The following ACOT12 variants were observed in gnomAD, a reference collection of about 807,000 sequenced individuals.
The protein encoded by ACOT12 is acetyl-coenzyme A thioesterase.
A neutral mutation model predicts 67.7 loss-of-function variants in ACOT12; 51 were observed. The ratio of observed to expected loss-of-function variants is 0.75; its 90% confidence interval spans 0.60 to 0.95. The LOEUF is 0.95. ACOT12 is among the 40% of genes least tolerant of loss of function. The pLI, the probability that ACOT12 is intolerant of heterozygous loss-of-function variation, is 0.00. For missense variants in ACOT12, 734 were observed against 708.1 expected, an observed-to-expected ratio of 1.04 and a Z score of -0.41; for synonymous variants, 251 against 244.6, an observed-to-expected ratio of 1.03 and a Z score of -0.24.
the ACOT12 span, chr5:81,308,689 G>C: frequency 6.2e-7 from 1 of 1,611,098 alleles, no homozygotes; most frequent in Non-Finnish European, 8.5e-7. Flanking sequence ...CCAAGTGTAA[G>C]GCTAAAGTAG....
At chr5:81,331,179 C>T (rs1311969150) in intron 13 of ACOT12, among the ~76,000 whole-genome samples, 1 of 152,182 alleles carries the variant, frequency 6.6e-6, no homozygotes, top group Non-Finnish European at 1.5e-5. Context: ...AAACTGGAGT[C>T]AACCACCAAA....
downstream of ACOT12, among the ~76,000 whole-genome samples, chr5:81,326,316 G>T (rs1758675697): frequency 6.6e-6 from 1 of 151,786 alleles, no homozygotes; most frequent in Non-Finnish European, 1.5e-5. Flanking sequence ...TACAGATGGG[G>T]TTTCTTCATG....
chr5:81,380,564 A>AG (rs1416493469), intron 2 of ACOT12, among the ~76,000 whole-genome samples: 1 of 123,388 alleles, frequency 8.1e-6, no homozygotes. Context: ...ACTGTCTTAG[A>AG]AAAAAAAAAA....
chr5:81,393,887 C>T (rs1356629818), intron 1 of ACOT12, 101 bp downstream of exon 1: 2 of 1,219,584 alleles, frequency 1.6e-6, no homozygotes, highest in Middle Eastern at 3.2e-4. Flanking sequence ...TTCAGCTCTC[C>T]GCAAGTACCT....
chr5:81,322,406 G>A, the ACOT12 span, among the ~76,000 whole-genome samples: 2 of 151,124 alleles, frequency 1.3e-5, no homozygotes, highest in African/African-American at 4.9e-5. Flanking sequence ...GCAGTGAGCC[G>A]AGATGGCACC....
At chr5:81,335,983 T>C (rs929341470) in intron 11 of ACOT12, 82 bp from the exon 12 acceptor site, 34 of 1,396,552 alleles carry the variant, frequency 2.4e-5, no homozygotes, top group Non-Finnish European at 3.1e-5. Flanking sequence ...TATGTAGTCA[T>C]AGACCAATTG....
intron 2 of ACOT12, among the ~76,000 whole-genome samples, chr5:81,383,999 T>C (rs937777456): frequency 2.6e-5 from 4 of 152,094 alleles, no homozygotes; most frequent in African/African-American, 9.7e-5. Flanking sequence ...TCTAAGGTAG[T>C]GTACAGTAAT....
the ACOT12 span, among the ~76,000 whole-genome samples, chr5:81,323,710 TA>T: frequency 1.3e-5 from 2 of 151,886 alleles, no homozygotes; most frequent in Non-Finnish European, 2.9e-5. Context: ...GCAAAATTGT[TA>T]ATGTGTTTTG....
chr5:81,359,985 A>C lies in ACOT12; in HGVS notation c.414T>G (p.Asn138Lys), dbSNP rs760539790. The change falls in exon 5 of 15, where the codon AAT becomes AAG. Residue 138 changes from asparagine (N) to lysine (K), a missense_variant. Coordinates refer to ENST00000307624, the MANE Select transcript of ACOT12 (RefSeq NM_130767.3). ...GAACTTTCCTTCTCTCAGCAGCCAG[A>C]TTATGTTCCACATGATCTTGTTCAG... Reference protein sequence around the residue: ...LLTEQDHVEHNLAAERRKVRL... With the variant: ...LLTEQDHVEHKLAAERRKVRL... 5.0e-6 allele frequency: 8 copies of C among 1,612,888 alleles called. No individual in the cohort carries two copies. In the East Asian group the frequency reaches 1.8e-4, roughly 36 times the overall value.
intron 13 of ACOT12, 46 bp downstream of exon 13, chr5:81,332,431 C>T (rs1210837654): frequency 6.3e-7 from 1 of 1,599,890 alleles, no homozygotes; most frequent in African/African-American, 1.3e-5. Context: ...AATTTCTATC[C>T]TATACTATGA....
At chr5:81,317,678 C>T in the ACOT12 span, among the ~76,000 whole-genome samples, 7 of 151,972 alleles carry the variant, frequency 4.6e-5, no homozygotes, top group African/African-American at 1.5e-4. Flanking sequence ...TACACACTTT[C>T]AAACAACCAG....
intron 3 of ACOT12, among the ~76,000 whole-genome samples, chr5:81,364,551 C>T (rs1027300322): frequency 4.6e-5 from 7 of 152,020 alleles, no homozygotes; most frequent in East Asian, 3.9e-4. Context: ...CCTCAGCCTC[C>T]GGAGTAGCTG....
chr5:81,392,612 A>G (rs532477225), intron 1 of ACOT12, among the ~76,000 whole-genome samples: 12 of 152,276 alleles, frequency 7.9e-5, no homozygotes, highest in African/African-American at 2.9e-4. Flanking sequence ...GTGGTCTCAT[A>G]ATGTATTCAG....
At chr5:81,334,977 G>C (rs1758950911) in intron 12 of ACOT12, among the ~76,000 whole-genome samples, 2 of 152,166 alleles carry the variant, frequency 1.3e-5, no homozygotes, top group Admixed American at 6.5e-5. Context: ...TTCACCTCGG[G>C]GCTCACACAG....
intron 3 of ACOT12, 42 bp downstream of exon 3, chr5:81,371,708 A>T: frequency 1.3e-6 from 2 of 1,577,562 alleles, no homozygotes; most frequent in Non-Finnish European, 1.7e-6. Flanking sequence ...ACAATGAAGA[A>T]GTGAGCACCA....
the ACOT12 span, among the ~76,000 whole-genome samples, chr5:81,320,373 A>G: frequency 6.6e-6 from 1 of 152,222 alleles, no homozygotes; most frequent in Non-Finnish European, 1.5e-5. Flanking sequence ...TATACCCTCA[A>G]CGTAAGAGTG....
At chr5:81,346,085 T>C in intron 6 of ACOT12, 81 bp from the exon 7 acceptor site, 1 of 1,565,284 alleles carries the variant, frequency 6.4e-7, no homozygotes, top group Non-Finnish European at 8.6e-7. Context: ...AGTCTTCAAA[T>C]AAGCATTTCT....
chr5:81,347,950 A>G lies in ACOT12; in HGVS notation c.497-20T>C. The G allele has an allele frequency of 6.2e-7, 1 of 1,609,620 alleles. No homozygotes were observed. Among genetic ancestry groups the G allele is most frequent in the Non-Finnish European group, 8.5e-7 (1 of 1,177,368 alleles). On this transcript the variant is annotated intron_variant, in intron 5 of 14. Coordinates refer to ENST00000307624, the MANE Select transcript of ACOT12 (RefSeq NM_130767.3). ...TGAGATCTGAAAGGTGGATGTAAAC[A>G]TTAATGATGGTGGAGTGAACCATAG...
chr5:81,366,128 G>A (rs955847503), intron 3 of ACOT12, among the ~76,000 whole-genome samples: 1 of 152,278 alleles, frequency 6.6e-6, no homozygotes, highest in East Asian at 1.9e-4. Flanking sequence ...TTAGAAGAGG[G>A]GCTAAAGTAG....
Sources: allele counts gnomAD v4.1 joint callset (sites outside exome capture counted in the v4.1 genomes callset), GRCh38; gene constraint gnomAD v4.1.1; transcripts MANE v1.5; gene names NCBI Gene and HGNC (gene_info 2026-07-23, HGNC 2026-07-21).